Variants in LMBR1 observed in about 807,000 individuals in gnomAD.
LMBR1 encodes the protein limb region 1 protein homolog.
A neutral mutation model predicts 73.9 loss-of-function variants in LMBR1; 52 were observed. That is an observed-to-expected ratio of 0.70 (90% confidence interval 0.56 to 0.89). LMBR1 has a LOEUF of 0.89. LMBR1 is among the 40% of genes least tolerant of loss of function. The pLI is 0.00. For missense variants in LMBR1, 539 were observed against 579.8 expected (o/e 0.93, Z 0.72); for synonymous variants, 215 against 209.4 (o/e 1.03, Z -0.23).
At chr7:156,807,715 A>C (rs528653280) in intron 4 of LMBR1, among the ~76,000 whole-genome samples, 1 of 152,204 alleles carries the variant, frequency 6.6e-6, no homozygotes, top group South Asian at 2.1e-4. Context: ...GCAGAAACTG[A>C]TTTGAGGCCT....
At chr7:156,854,866 C>G (rs1040173682) in intron 1 of LMBR1, among the ~76,000 whole-genome samples, 4 of 152,146 alleles carry the variant, frequency 2.6e-5, no homozygotes, top group African/African-American at 9.7e-5. Flanking sequence ...CCAAAGACAA[C>G]AGAAGAGATA....
Position 156,798,298 on chromosome 7 carries a change from G to A in LMBR1, c.320-1806C>T, listed in dbSNP as rs115417021. Among the ~76,000 whole-genome samples, 742 of 152,282 alleles carry A rather than the reference G, an allele frequency of 4.9e-3. 8 individuals are homozygous for A. The highest frequency in any genetic ancestry group is 0.017 in the African/African-American group (686 of 41,550). Reference sequence around the variant, plus strand: ...TTTTTGCTTTTAAGTTACAGCACCAGAGGCTACTAGTAACAGTGCTATCAG... The same window carrying A: ...TTTTTGCTTTTAAGTTACAGCACCAAAGGCTACTAGTAACAGTGCTATCAG... On this transcript the variant is annotated intron_variant, in intron 4 of 16. Transcript: ENST00000353442.
intron 4 of LMBR1, among the ~76,000 whole-genome samples, chr7:156,812,378 G>C (rs1833244677): frequency 6.6e-6 from 1 of 152,090 alleles, no homozygotes; most frequent in African/African-American, 2.4e-5. Flanking sequence ...AGAGCGCAGA[G>C]GACTTTCTCC....
intron 4 of LMBR1, among the ~76,000 whole-genome samples, chr7:156,814,914 T>C (rs1302560941): frequency 1.3e-5 from 2 of 152,088 alleles, no homozygotes; most frequent in African/African-American, 2.4e-5. Flanking sequence ...CCCATCACTT[T>C]AGGAGGCCAA....
chr7:156,700,524 C>T (rs954043668), intron 15 of LMBR1, among the ~76,000 whole-genome samples: 1 of 151,954 alleles, frequency 6.6e-6, no homozygotes, highest in Non-Finnish European at 1.5e-5. Flanking sequence ...GCACATGTAC[C>T]CTAAAACTTA....
intron 5 of LMBR1, among the ~76,000 whole-genome samples, chr7:156,772,729 T>C (rs1825425209): frequency 1.3e-5 from 2 of 152,010 alleles, no homozygotes; most frequent in South Asian, 4.2e-4. Context: ...GCACCTGTAG[T>C]CCCAACTACT....
chr7:156,727,262 A>G (rs1815955731), intron 12 of LMBR1, among the ~76,000 whole-genome samples: 1 of 152,176 alleles, frequency 6.6e-6, no homozygotes, highest in Non-Finnish European at 1.5e-5. Context: ...ATTTTTTTAC[A>G]CAATTATACA....
At chr7:156,794,885 C>T (rs964138356) in intron 5 of LMBR1, among the ~76,000 whole-genome samples, 4 of 152,092 alleles carry the variant, frequency 2.6e-5, no homozygotes, top group African/African-American at 9.7e-5. Flanking sequence ...TCCTTTGTGA[C>T]CTGCACAAAG....
At chr7:156,760,571 AAAC>A (rs113206385) in intron 8 of LMBR1, among the ~76,000 whole-genome samples, 1 of 152,012 alleles carries the variant, frequency 6.6e-6, no homozygotes, top group Non-Finnish European at 1.5e-5. Context: ...ACAAACAAAC[AAAC>A]AACAACAAAT....
At chr7:156,855,788 G>C (rs1360787556) in intron 1 of LMBR1, among the ~76,000 whole-genome samples, 2 of 151,966 alleles carry the variant, frequency 1.3e-5, no homozygotes, top group African/African-American at 4.8e-5. Flanking sequence ...TACAAATAGA[G>C]GATCAAAGAT....
intron 4 of LMBR1, among the ~76,000 whole-genome samples, chr7:156,808,517 A>C (rs1437494661): frequency 6.6e-6 from 1 of 152,140 alleles, no homozygotes; most frequent in African/African-American, 2.4e-5. Flanking sequence ...TCTTGCTTTT[A>C]TATTCAATTT....
chr7:156,852,147 G>C (rs1380947420), intron 1 of LMBR1, among the ~76,000 whole-genome samples: 1 of 152,128 alleles, frequency 6.6e-6, no homozygotes, highest in Non-Finnish European at 1.5e-5. Flanking sequence ...GGTCTCAAAA[G>C]GGTAACCAAG....
intron 16 of LMBR1, among the ~76,000 whole-genome samples, chr7:156,686,485 A>C (rs912394066): frequency 2.6e-5 from 4 of 152,186 alleles, no homozygotes; most frequent in African/African-American, 9.7e-5. Context: ...ACATATACTT[A>C]ATAAGACTCT....
chr7:156,888,532 C>T, intron 1 of LMBR1, among the ~76,000 whole-genome samples: 1 of 151,930 alleles, frequency 6.6e-6, no homozygotes, highest in East Asian at 1.9e-4. Context: ...GCATTATTCA[C>T]AATAGCCAAA....
intron 1 of LMBR1, among the ~76,000 whole-genome samples, chr7:156,883,065 T>C (rs1246838292): frequency 6.6e-6 from 1 of 150,428 alleles, no homozygotes; most frequent in Admixed American, 6.7e-5. Context: ...AGAGGGTAGA[T>C]CTCACATTAG....
rs773899792 is a variant in LMBR1, at chr7:156,680,505, G to A, written c.*3573C>T. Reference sequence around the variant, plus strand: ...CTGTCTGCCAGTAAATTAACCAGATGCTAACAGCATTTATTCTTCCAGGAA... The same window carrying A: ...CTGTCTGCCAGTAAATTAACCAGATACTAACAGCATTTATTCTTCCAGGAA... On this transcript the variant is annotated 3_prime_UTR_variant, in exon 17 of 17. Transcript: ENST00000353442. 12 of 152,008 alleles carry A rather than the reference G, an allele frequency of 7.9e-5. No homozygotes were observed. The highest frequency in any genetic ancestry group is 2.9e-5 in the Non-Finnish European group (2 of 68,068). The allele number at this position is 152,008 out of a possible 1,614,324, so 9.4% of individuals were successfully genotyped here. A position where few individuals can be genotyped will look rare whatever the true frequency, so the allele number is the denominator to read the frequency against.
At chr7:156,773,544 C>CAAAGAAAGAAAGAAAAA (rs1563327201) in intron 5 of LMBR1, among the ~76,000 whole-genome samples, 1 of 151,854 alleles carries the variant, frequency 6.6e-6, no homozygotes, top group Non-Finnish European at 1.5e-5. Context: ...GAAATAAAGC[C>CAAAGAAAGAAAGAAAAA]ACACACCTAC....
chr7:156,677,000 T>C, downstream of LMBR1: 1 of 215,542 alleles, frequency 4.6e-6, no homozygotes, highest in East Asian at 1.1e-4. Flanking sequence ...CTCCTTAAGT[T>C]CCAAATGTTT....
intron 9 of LMBR1, among the ~76,000 whole-genome samples, chr7:156,740,970 A>G (rs1818782613): frequency 1.3e-5 from 2 of 152,264 alleles, no homozygotes; most frequent in South Asian, 4.1e-4. Flanking sequence ...ACAGTACAGT[A>G]AGACATAAAA....
Sources: gnomAD v4.1 joint callset for allele counts (sites outside exome capture counted in the v4.1 genomes callset) on GRCh38, gnomAD v4.1.1 for gene constraint, MANE v1.5 for transcripts, NCBI Gene and HGNC (gene_info 2026-07-23, HGNC 2026-07-21) for gene names.